FRMPD4: variants seen among roughly 807,000 people sequenced by gnomAD.
FRMPD4 encodes the protein FERM and PDZ domain-containing protein 4.
Under a neutral mutation model 94.1 loss-of-function variants are expected in FRMPD4, and 22 were observed. That is an observed-to-expected ratio of 0.23 (90% CI 0.17 to 0.33). The LOEUF is 0.33. Ranked by LOEUF, FRMPD4 falls within the 10% of genes least tolerant of loss-of-function variation. The pLI is 1.00. For missense variants in FRMPD4, 1,111 were observed against 1,339.9 expected (o/e 0.83, Z 2.67); for synonymous variants, 631 against 548.6 (o/e 1.15, Z -2.10).
intron 1 of FRMPD4, among the ~76,000 whole-genome samples, chrX:12,254,451 C>A (rs2054087190): frequency 8.9e-6 from 1 of 111,749 alleles, no homozygotes; most frequent in African/African-American, 3.3e-5. Flanking sequence ...TATGTTGAAC[C>A]CTGATCAACC....
At chrX:12,382,587 A>G (rs1182357864) in intron 1 of FRMPD4, among the ~76,000 whole-genome samples, 1 of 77,595 alleles carries the variant, frequency 1.3e-5, no homozygotes, top group Non-Finnish European at 2.5e-5. Context: ...GCAAGCAATA[A>G]TTGTTTGCTG....
At chrX:11,931,775 C>A (rs1293303333) in intron 3 of FRMPD4, among the ~76,000 whole-genome samples, 1 of 112,114 alleles carries the variant, frequency 8.9e-6, no homozygotes, top group Non-Finnish European at 1.9e-5. Context: ...AAAAGTTGCA[C>A]TTTTGCCATT....
chrX:12,003,164 G>C (rs1418902173), intron 3 of FRMPD4, among the ~76,000 whole-genome samples: 1 of 111,854 alleles, frequency 8.9e-6, no homozygotes, highest in African/African-American at 3.2e-5. Context: ...ATTCCTACCT[G>C]TTCTAAGCCT....
chrX:12,444,030 T>A (rs2057167378), intron 1 of FRMPD4, among the ~76,000 whole-genome samples: 2 of 111,525 alleles, frequency 1.8e-5, no homozygotes, highest in Non-Finnish European at 3.8e-5. Flanking sequence ...ACCTGATGGT[T>A]TTCGGTTCCT....
chrX:12,342,688 A>T (rs4358981), intron 1 of FRMPD4, among the ~76,000 whole-genome samples: 35,797 of 111,114 alleles, frequency 0.32, 4,944 homozygotes, highest in African/African-American at 0.53. Context: ...TGACATGTGT[A>T]TGACATAATG....
intron 3 of FRMPD4, among the ~76,000 whole-genome samples, chrX:12,005,567 C>T (rs769758990): frequency 9.3e-6 from 1 of 107,790 alleles, no homozygotes; most frequent in Non-Finnish European, 1.9e-5. Flanking sequence ...AGATGCAGAA[C>T]CATTCTGTAG....
At chrX:12,514,104 A>G (rs2058071706) in intron 2 of FRMPD4, among the ~76,000 whole-genome samples, 1 of 111,833 alleles carries the variant, frequency 8.9e-6, no homozygotes, top group South Asian at 3.7e-4. Flanking sequence ...TTATCAGCTT[A>G]AGAAGCTTTG....
At chrX:12,660,003 A>T (rs78737586) in intron 4 of FRMPD4, among the ~76,000 whole-genome samples, 1 of 112,241 alleles carries the variant, frequency 8.9e-6, no homozygotes, top group Non-Finnish European at 1.9e-5. Flanking sequence ...AGAGTTTGAA[A>T]TGATGCAATT....
At chrX:12,662,047 AG>A (rs1041987337) in intron 4 of FRMPD4, among the ~76,000 whole-genome samples, 1 of 111,483 alleles carries the variant, frequency 9.0e-6, no homozygotes, top group African/African-American at 3.3e-5. Context: ...AAAATACCCT[AG>A]GATTGGGGAA....
chrX:12,616,662 T>C (rs2059239327), intron 4 of FRMPD4, among the ~76,000 whole-genome samples: 1 of 112,485 alleles, frequency 8.9e-6, no homozygotes, highest in South Asian at 3.7e-4. Context: ...AGAAAGACTC[T>C]GTATGTAAGA....
intron 1 of FRMPD4, among the ~76,000 whole-genome samples, chrX:11,852,561 C>A (rs923588766): frequency 9.0e-6 from 1 of 110,742 alleles, no homozygotes; most frequent in African/African-American, 3.3e-5. Flanking sequence ...CTGTAGAATT[C>A]TCTGTGTGTA....
At chrX:12,678,009 G>A (rs181417526) in intron 5 of FRMPD4, among the ~76,000 whole-genome samples, 75 of 112,465 alleles carry the variant, frequency 6.7e-4, no homozygotes, top group Admixed American at 4.4e-3. Flanking sequence ...AACTTTTCCC[G>A]CAGAGACAAC....
At chrX:11,847,237 G>A (rs1397085193) in intron 1 of FRMPD4, among the ~76,000 whole-genome samples, 4 of 110,160 alleles carry the variant, frequency 3.6e-5, no homozygotes, top group African/African-American at 6.6e-5. Context: ...GAACAGACAC[G>A]TCTCAAAAGA....
intron 1 of FRMPD4, among the ~76,000 whole-genome samples, chrX:12,176,400 C>T (rs1359179503): frequency 8.9e-6 from 1 of 111,824 alleles, no homozygotes; most frequent in East Asian, 2.8e-4. Context: ...AAGTCACTCA[C>T]CTTCCAATCA....
At chrX:12,270,622 T>G (rs1423058561) in intron 1 of FRMPD4, among the ~76,000 whole-genome samples, 1 of 111,925 alleles carries the variant, frequency 8.9e-6, no homozygotes, top group Non-Finnish European at 1.9e-5. Flanking sequence ...TATCTACATA[T>G]GCATATGTGT....
At chrX:12,694,698 C>A (rs754054835) in intron 9 of FRMPD4, among the ~76,000 whole-genome samples, 12 of 112,168 alleles carry the variant, frequency 1.1e-4, no homozygotes, top group African/African-American at 3.9e-4. Flanking sequence ...CAGTTGTTAA[C>A]ATTTTACCAC....
At chrX:12,709,844 G>A (rs2041949392) in intron 13 of FRMPD4, among the ~76,000 whole-genome samples, 1 of 111,320 alleles carries the variant, frequency 9.0e-6, no homozygotes, top group Non-Finnish European at 1.9e-5. Flanking sequence ...ATATGACTGG[G>A]GGTCCAGGTG....
intron 1 of FRMPD4, among the ~76,000 whole-genome samples, chrX:12,359,522 T>G (rs759883552): frequency 9.3e-6 from 1 of 107,608 alleles, no homozygotes; most frequent in Admixed American, 1.0e-4. Context: ...GGCTGGAGTA[T>G]AGTGGCGCAG....
chrX:11,994,541 C>A (rs190808279), intron 3 of FRMPD4, among the ~76,000 whole-genome samples: 55 of 110,784 alleles, frequency 5.0e-4, no homozygotes, highest in Non-Finnish European at 9.9e-4. Context: ...GTTTGAGAGT[C>A]GAAGAAGAGT....
Sources: allele counts gnomAD v4.1 joint callset (sites outside exome capture counted in the v4.1 genomes callset), GRCh38; gene constraint gnomAD v4.1.1; transcripts MANE v1.5; gene names NCBI Gene and HGNC (gene_info 2026-07-23, HGNC 2026-07-21).